SERPINB12: variants seen among roughly 807,000 people sequenced by gnomAD.
The protein encoded by SERPINB12 is serpin family B member 12, also known as serpin B12.
Under a neutral mutation model 41.1 loss-of-function variants are expected in SERPINB12, and 57 were observed. That is an observed-to-expected ratio of 1.39 (90% CI 1.12 to 1.73). SERPINB12 has a LOEUF of 1.73. Among genes scored for constraint, SERPINB12 ranks in the 40% most tolerant of loss-of-function variants. The pLI, the probability that SERPINB12 is intolerant of heterozygous loss-of-function variation, is 0.00. For missense variants in SERPINB12, 536 were observed against 501.9 expected (o/e 1.07, Z -0.65); for synonymous variants, 180 against 181.3 (o/e 0.99, Z 0.06).
At chr18:63,526,851 T>C in the SERPINB12 span, among the ~76,000 whole-genome samples, 267 of 152,250 alleles carry the variant, frequency 1.8e-3, no homozygotes, top group African/African-American at 6.2e-3. Context: ...CATCATAGAG[T>C]GTATTTACAT....
intron 2 of SERPINB12, among the ~76,000 whole-genome samples, chr18:63,557,273 T>C (rs1910710034): frequency 6.6e-6 from 1 of 152,158 alleles, no homozygotes; most frequent in Non-Finnish European, 1.5e-5. Context: ...CTTCAAGACT[T>C]TGATCAGTGT....
intron 3 of SERPINB12, among the ~76,000 whole-genome samples, chr18:63,559,060 C>CTTTCTTTCTT (rs1404721073): frequency 2.2e-5 from 2 of 88,958 alleles, no homozygotes; most frequent in Non-Finnish European, 2.1e-5. Context: ...CTTTCTTTCT[C>CTTTCTTTCTT]TCCTTCTTCT....
intron 4 of SERPINB12, among the ~76,000 whole-genome samples, chr18:63,560,128 A>G (rs1285631150): frequency 6.6e-6 from 1 of 151,966 alleles, no homozygotes; most frequent in Non-Finnish European, 1.5e-5. Context: ...GGATCAGGCT[A>G]CCCCCGCAAT....
Position 63,564,076 on chromosome 18 carries a change from T to C in SERPINB12, c.661T>C (p.Phe221Leu), listed in dbSNP as rs2144350701. 1 of 1,614,102 alleles carries C rather than the reference T, an allele frequency of 6.2e-7. No individual in the cohort carries two copies. ...CTTCAAGGCCAAATGGGAAACATAC[T>C]TTGACCATGAAAACACGGTGGATGC... The part of the protein sequence containing the change: ...VYFKAKWETY[F>L]DHENTVDAPF... The change falls in exon 6 of 8, where the codon TTT (phenylalanine) becomes CTT (leucine). Residue 221 changes from phenylalanine (F) to leucine (L), a missense_variant. Coordinates refer to ENST00000382768, the MANE Select transcript of SERPINB12 (RefSeq NM_001307928.2).
intron 1 of SERPINB12, among the ~76,000 whole-genome samples, chr18:63,547,358 ATT>A (rs200260064): frequency 2.0e-5 from 3 of 146,448 alleles, no homozygotes; most frequent in Non-Finnish European, 3.0e-5. Flanking sequence ...TGTGAGTTAG[ATT>A]TTTTTTTTTT....
At chr18:63,533,690 T>C in the SERPINB12 span, among the ~76,000 whole-genome samples, 1 of 152,208 alleles carries the variant, frequency 6.6e-6, no homozygotes, top group African/African-American at 2.4e-5. Flanking sequence ...TATAATAGAA[T>C]ATTTGTAACT....
intron 1 of SERPINB12, among the ~76,000 whole-genome samples, chr18:63,550,469 A>T (rs1354223320): frequency 6.6e-6 from 1 of 152,240 alleles, no homozygotes; most frequent in African/African-American, 2.4e-5. Context: ...ATTAAATGCC[A>T]TGTTTAGTAA....
Position 63,564,055 on chromosome 18 carries a change from A to G in SERPINB12, c.640A>G (p.Lys214Glu). ...GGTACTGGTGAATGCTGTTTACTTC[A>G]AGGCCAAATGGGAAACATACTTTGA... is the stretch of plus-strand genomic sequence containing the variant. ...VLVLVNAVYF[K>E]AKWETYFDHE... The change falls in exon 6 of 8, where the codon AAG (lysine) becomes GAG (glutamate). Residue 214 changes from lysine to glutamate, a missense_variant. Coordinates refer to ENST00000382768, the MANE Select transcript of SERPINB12 (RefSeq NM_001307928.2). 6.2e-7 allele frequency: 1 copy of G among 1,614,136 alleles called. No homozygotes were observed. Among genetic ancestry groups the G allele is most frequent in the South Asian group, 1.1e-5 (1 of 91,070 alleles).
At chr18:63,550,487 A>G (rs2144322604) in intron 1 of SERPINB12, among the ~76,000 whole-genome samples, 1 of 152,354 alleles carries the variant, frequency 6.6e-6, no homozygotes, top group South Asian at 2.1e-4. Context: ...TAATACATCT[A>G]CAATACATTT....
intron 1 of SERPINB12, among the ~76,000 whole-genome samples, chr18:63,555,735 A>G (rs976025535): frequency 1.3e-5 from 2 of 152,142 alleles, no homozygotes; most frequent in Non-Finnish European, 2.9e-5. Flanking sequence ...AAGTCAAGGA[A>G]TGTCAAAGTT....
At chr18:63,557,543 A>G (rs1182230010) in intron 2 of SERPINB12, among the ~76,000 whole-genome samples, 3 of 152,142 alleles carry the variant, frequency 2.0e-5, no homozygotes, top group South Asian at 4.2e-4. Flanking sequence ...ATGGATTAAG[A>G]CAGAATGTGT....
chr18:63,539,729 T>A (rs186987811), upstream of SERPINB12, among the ~76,000 whole-genome samples: 1 of 152,224 alleles, frequency 6.6e-6, no homozygotes, highest in African/African-American at 2.4e-5. Flanking sequence ...CTGGGAGGTA[T>A]GATATGGGGC....
upstream of SERPINB12, among the ~76,000 whole-genome samples, chr18:63,537,451 G>T (rs1910195931): frequency 6.6e-6 from 1 of 152,168 alleles, no homozygotes; most frequent in Non-Finnish European, 1.5e-5. Context: ...AAGCACAAAG[G>T]CATGTTCCTA....
chr18:63,536,174 G>T, the SERPINB12 span, among the ~76,000 whole-genome samples: 1 of 151,564 alleles, frequency 6.6e-6, no homozygotes, highest in Non-Finnish European at 1.5e-5. Context: ...AAATAAAAAA[G>T]AAACAGTTCT....
In SERPINB12 at chr18:63,566,606, G is replaced by C; in HGVS notation, c.874-1G>C. On this transcript the variant is annotated splice_acceptor_variant, in intron 7 of 7. Transcript: ENST00000382768. LOFTEE classifies it high-confidence loss of function. ...TAAATATTATTTCCTTCCTCTTGTA[G>C]CTTGAAAGGAAAATCACCTATGAAA... is the stretch of plus-strand genomic sequence containing the variant. 2 of 1,601,114 alleles carry C rather than the reference G, an allele frequency of 1.2e-6. No homozygotes were observed. Among genetic ancestry groups the C allele is most frequent in the Non-Finnish European group, 1.7e-6 (2 of 1,175,526 alleles).
At chr18:63,538,482 T>C (rs1051403691), upstream of SERPINB12, among the ~76,000 whole-genome samples, 1 of 152,194 alleles carries the variant, frequency 6.6e-6, no homozygotes, top group Non-Finnish European at 1.5e-5. Context: ...CTTAGCATAA[T>C]GTTTTCAAGG....
At chr18:63,537,590 A>G, upstream of SERPINB12, among the ~76,000 whole-genome samples, 1 of 152,202 alleles carries the variant, frequency 6.6e-6, no homozygotes, top group African/African-American at 2.4e-5. Context: ...ATATTCTTTC[A>G]TGCCCAATAA....
At chr18:63,566,555 T>C in intron 7 of SERPINB12, 52 bp from the exon 8 acceptor site, 1 of 1,511,290 alleles carries the variant, frequency 6.6e-7, no homozygotes, top group South Asian at 1.3e-5. Context: ...AATTGGGGCA[T>C]TCTTTGTGGT....
intron 1 of SERPINB12, among the ~76,000 whole-genome samples, chr18:63,544,178 A>G (rs915791795): frequency 3.3e-5 from 5 of 152,186 alleles, no homozygotes; most frequent in South Asian, 2.1e-4. Context: ...GCAGCCATAG[A>G]CAGTAATAAA....
Sources: allele counts gnomAD v4.1 joint callset (sites outside exome capture counted in the v4.1 genomes callset), GRCh38; gene constraint gnomAD v4.1.1; transcripts MANE v1.5; gene names NCBI Gene and HGNC (gene_info 2026-07-23, HGNC 2026-07-21).